Variants in PEX13 observed in about 807,000 individuals in gnomAD.
PEX13 encodes the protein peroxisome biogenesis factor 13.
Under a neutral mutation model 34.5 loss-of-function variants are expected in PEX13, and 28 were observed. The ratio of observed to expected loss-of-function variants is 0.81; its 90% CI spans 0.60 to 1.11. The LOEUF (loss-of-function observed/expected upper bound fraction) is 1.11, where lower values mean the gene tolerates loss of function less well. Among genes scored for constraint, PEX13 ranks in the 50% most tolerant of loss-of-function variants. PEX13 has a pLI of 0.00. For missense variants in PEX13, 550 were observed against 491.0 expected, an observed-to-expected ratio of 1.12 and a Z score of -1.13; for synonymous variants, 177 against 175.1, an observed-to-expected ratio of 1.01 and a Z score of -0.09.
intron 1 of PEX13, chr2:61,018,749 A>C (rs1680173580): frequency 6.5e-6 from 1 of 152,972 alleles, no homozygotes; most frequent in Non-Finnish European, 1.5e-5. Flanking sequence ...ACTTAGTTTA[A>C]TAAGGATATA....
intron 3 of PEX13, among the ~76,000 whole-genome samples, chr2:61,047,766 A>G (rs969320213): frequency 1.3e-5 from 2 of 152,210 alleles, no homozygotes; most frequent in Admixed American, 1.3e-4. Flanking sequence ...AGAGCATTAA[A>G]CATTAAAAAG....
At chr2:61,024,118 T>G (rs911124476) in intron 1 of PEX13, among the ~76,000 whole-genome samples, 1 of 152,156 alleles carries the variant, frequency 6.6e-6, no homozygotes, top group East Asian at 1.9e-4. Context: ...TATTCTTTGC[T>G]CCTTTAAAAA....
At position 61,031,772 on chromosome 2, in the gene PEX13, C is replaced by T; in HGVS notation, c.446C>T (p.Ala149Val). 1 of 1,613,360 alleles carries T rather than the reference C, an allele frequency of 6.2e-7. No homozygotes were observed. The highest frequency in any genetic ancestry group is 8.5e-7 in the Non-Finnish European group (1 of 1,179,228). Residue 149 changes from alanine (A) to valine (V), a missense_variant, in exon 2 of 4, where the codon GCT (alanine) becomes GTT (valine). Coordinates refer to ENST00000295030, the MANE Select transcript of PEX13 (RefSeq NM_002618.4). ...AFASVSMMMD[A>V]TFSAVYNSFR... ...GCCTCTGTCAGTATGATGATGGATG[C>T]TACCTTTTCAGCTGTCTATAACAGT...
intron 1 of PEX13, among the ~76,000 whole-genome samples, chr2:61,020,683 C>T (rs545867113): frequency 1.3e-4 from 20 of 152,022 alleles, no homozygotes; most frequent in Middle Eastern, 3.4e-3. Flanking sequence ...GAGATGGAGT[C>T]TCACTGTGTC....
chr2:61,024,059 A>G (rs1680311381), intron 1 of PEX13, among the ~76,000 whole-genome samples: 3 of 152,112 alleles, frequency 2.0e-5, no homozygotes, highest in Admixed American at 2.0e-4. Flanking sequence ...GGTCTCCCAA[A>G]GTGCTGGGAT....
At chr2:61,038,790 C>A (rs960104902) in intron 2 of PEX13, among the ~76,000 whole-genome samples, 1 of 152,060 alleles carries the variant, frequency 6.6e-6, no homozygotes, top group African/African-American at 2.4e-5. Context: ...AAAGGGTATT[C>A]AATTAGGAAA....
chr2:61,038,659 G>C (rs931613807), intron 2 of PEX13, among the ~76,000 whole-genome samples: 13 of 152,056 alleles, frequency 8.5e-5, no homozygotes, highest in Non-Finnish European at 1.6e-4. Flanking sequence ...ATACTGAATG[G>C]GCAAAAACTG....
intron 1 of PEX13, chr2:61,018,139 C>G (rs1289168054): frequency 1.1e-5 from 17 of 1,549,878 alleles, no homozygotes; most frequent in Non-Finnish European, 1.3e-5. Context: ...TCCTACCTAC[C>G]GCTTCTGTTT....
intron 2 of PEX13, among the ~76,000 whole-genome samples, chr2:61,038,097 A>G (rs1366464348): frequency 6.6e-6 from 1 of 152,250 alleles, no homozygotes; most frequent in Admixed American, 6.5e-5. Flanking sequence ...AGGTTCTGAA[A>G]TTGAAGCAGT....
chr2:61,018,288 GA>G (rs1680150799), intron 1 of PEX13: 1 of 1,550,342 alleles, frequency 6.5e-7, no homozygotes, highest in Non-Finnish European at 8.7e-7. Context: ...AGAAGTTGCT[GA>G]AAGCCGGAAA....
In PEX13 at chr2:61,017,752, C is replaced by G. The variant is rs779197248; in HGVS notation, c.-8C>G. ...GGTAGGAGCGGGAGCCGAGAGGAGG[C>G]GGAGGAGATGGCGTCCCAGCCGCCA... On this transcript the variant is annotated 5_prime_UTR_variant, in exon 1 of 4. Transcript: ENST00000295030. The G allele has an allele frequency of 1.3e-6, 2 of 1,548,368 alleles. No homozygotes were observed. The highest frequency in any genetic ancestry group is 1.2e-5 in the South Asian group (1 of 83,858).
rs190238579 is a variant in PEX13, at chr2:61,051,863, C to T, written c.*3093C>T. 1 of 152,402 alleles carries T rather than the reference C, an allele frequency of 6.6e-6. No homozygotes were observed. The highest frequency in any genetic ancestry group is 1.9e-4 in the East Asian group (1 of 5,334). The allele number at this position is 152,402 out of a possible 1,614,324, so 9.4% of individuals were successfully genotyped here. A position where few individuals can be genotyped will look rare whatever the true frequency, so the allele number is the denominator to read the frequency against. ...TGTCATAATTACACATTTACTTGAACACAGCTATCCTTTATCTTGTGCTTT... is the reference window on the plus strand; with the variant it reads ...TGTCATAATTACACATTTACTTGAATACAGCTATCCTTTATCTTGTGCTTT... On this transcript the variant is annotated 3_prime_UTR_variant, in exon 4 of 4. Coordinates refer to ENST00000295030, the MANE Select transcript of PEX13 (RefSeq NM_002618.4).
At position 61,051,431 on chromosome 2, in the gene PEX13, G is replaced by T. The variant is rs1195700247; in HGVS notation, c.*2661G>T. 2 of 152,316 alleles carry T rather than the reference G, an allele frequency of 1.3e-5. No homozygotes were observed. Among genetic ancestry groups the T allele is most frequent in the Admixed American group, 6.5e-5 (1 of 15,280 alleles). 9.4% of individuals were successfully genotyped at this position (152,316 alleles called of 1,614,324 possible). On this transcript the variant is annotated 3_prime_UTR_variant, in exon 4 of 4. Coordinates refer to ENST00000295030, the MANE Select transcript of PEX13 (RefSeq NM_002618.4). ...ATAAAATAGTGACACTTTTGTAGGG[G>T]TGTTTATTGTTTGGTTAAGTCTGCT... is the stretch of plus-strand genomic sequence containing the variant.
intron 2 of PEX13, among the ~76,000 whole-genome samples, chr2:61,040,270 T>C (rs1036275436): frequency 1.4e-4 from 21 of 152,116 alleles, no homozygotes; most frequent in Admixed American, 9.8e-4. Flanking sequence ...CGTGCTACTA[T>C]AAAGACACAT....
intron 1 of PEX13, among the ~76,000 whole-genome samples, chr2:61,026,980 C>T (rs1010314471): frequency 2.0e-5 from 3 of 151,848 alleles, no homozygotes; most frequent in Non-Finnish European, 2.9e-5. Context: ...TGTCCTGTTG[C>T]CTCTCCCTGT....
At chr2:61,025,394 T>C (rs1473378817) in intron 1 of PEX13, among the ~76,000 whole-genome samples, 1 of 152,018 alleles carries the variant, frequency 6.6e-6, no homozygotes, top group Admixed American at 6.6e-5. Flanking sequence ...AGTCTTGCTC[T>C]GTTGCCCAGG....
intron 3 of PEX13, among the ~76,000 whole-genome samples, chr2:61,046,960 G>C (rs1680712207): frequency 6.6e-6 from 1 of 152,114 alleles, no homozygotes. Flanking sequence ...TGCAGTGTGT[G>C]CACCTATAGT....
intron 2 of PEX13, among the ~76,000 whole-genome samples, chr2:61,041,373 A>G (rs1031247005): frequency 6.6e-6 from 1 of 152,176 alleles, no homozygotes; most frequent in Non-Finnish European, 1.5e-5. Flanking sequence ...TGATACTACT[A>G]TCATACATAG....
chr2:61,048,312 A>C (rs553367111), intron 3 of PEX13, among the ~76,000 whole-genome samples, 160 bp from the exon 4 acceptor site: 1 of 152,346 alleles, frequency 6.6e-6, no homozygotes, highest in South Asian at 2.1e-4. Context: ...TAGAACTGTT[A>C]AGCCTACTCA....
Sources: gnomAD v4.1 joint callset for allele counts (sites outside exome capture counted in the v4.1 genomes callset) on GRCh38, gnomAD v4.1.1 for gene constraint, MANE v1.5 for transcripts, NCBI Gene and HGNC (gene_info 2026-07-23, HGNC 2026-07-21) for gene names.